Variants in GPC5 observed in about 807,000 individuals in gnomAD.
The protein encoded by GPC5 is glypican 5.
Under a neutral mutation model 53.9 loss-of-function variants are expected in GPC5, and 47 were observed. The observed-to-expected ratio is 0.87, with a 90% CI of 0.69 to 1.11. The LOEUF is 1.11. GPC5 is among the 50% of genes most tolerant of loss of function. GPC5 has a pLI of 0.00. For synonymous variants in GPC5, 286 were observed against 263.3 expected, an observed-to-expected ratio of 1.09 and a Z score of -0.84; for missense variants, 748 against 713.1, an observed-to-expected ratio of 1.05 and a Z score of -0.56.
intron 2 of GPC5, among the ~76,000 whole-genome samples, chr13:91,595,816 C>T (rs2032974156): frequency 6.6e-6 from 1 of 152,190 alleles, no homozygotes; most frequent in South Asian, 2.1e-4. Flanking sequence ...CTCTTCATGA[C>T]CCATGTTAGC....
intron 7 of GPC5, among the ~76,000 whole-genome samples, chr13:92,457,004 T>C (rs144901132): frequency 7.2e-5 from 11 of 152,090 alleles, no homozygotes; most frequent in African/African-American, 2.7e-4. Flanking sequence ...CCTCTCCTTC[T>C]CTGCCCCATC....
chr13:92,308,892 T>C (rs2043128150), intron 7 of GPC5, among the ~76,000 whole-genome samples: 1 of 152,118 alleles, frequency 6.6e-6, no homozygotes, highest in Non-Finnish European at 1.5e-5. Context: ...TATTGATATA[T>C]TGGATACATT....
intron 2 of GPC5, among the ~76,000 whole-genome samples, chr13:91,561,327 C>T (rs2031249471): frequency 6.6e-6 from 1 of 152,144 alleles, no homozygotes; most frequent in Non-Finnish European, 1.5e-5. Context: ...TGGAATTTCA[C>T]TTAACTCTAC....
chr13:92,291,691 G>T (rs1428995906), intron 7 of GPC5, among the ~76,000 whole-genome samples: 1 of 152,156 alleles, frequency 6.6e-6, no homozygotes, highest in African/African-American at 2.4e-5. Flanking sequence ...TTTGCTGTTT[G>T]CAATAAATCT....
chr13:91,841,456 G>A (rs368330872), intron 5 of GPC5, among the ~76,000 whole-genome samples: 49 of 151,516 alleles, frequency 3.2e-4, no homozygotes, highest in African/African-American at 1.0e-3. Context: ...TGCTTCAGTA[G>A]CATTTTACAT....
chr13:92,080,501 C>T (rs1056650566), intron 6 of GPC5, among the ~76,000 whole-genome samples: 2 of 152,230 alleles, frequency 1.3e-5, no homozygotes, highest in Non-Finnish European at 2.9e-5. Flanking sequence ...AATCACTCCA[C>T]AATCCAACCT....
chr13:91,744,636 C>T (rs1348778268), intron 4 of GPC5, among the ~76,000 whole-genome samples: 1 of 152,044 alleles, frequency 6.6e-6, no homozygotes, highest in Non-Finnish European at 1.5e-5. Flanking sequence ...ATAAAGAAGG[C>T]TTTTCATTGG....
chr13:91,555,895 C>G (rs2030919255), intron 2 of GPC5, among the ~76,000 whole-genome samples: 1 of 152,016 alleles, frequency 6.6e-6, no homozygotes, highest in Non-Finnish European at 1.5e-5. Flanking sequence ...CCCCGTGATT[C>G]AATTATCTTC....
chr13:92,706,814 G>T (rs985534814), intron 7 of GPC5, among the ~76,000 whole-genome samples: 7 of 152,256 alleles, frequency 4.6e-5, no homozygotes, highest in African/African-American at 1.7e-4. Flanking sequence ...GTTACAGAAT[G>T]AATGTTTGTG....
At chr13:91,789,105 CA>C (rs2138742164) in intron 5 of GPC5, among the ~76,000 whole-genome samples, 1 of 152,182 alleles carries the variant, frequency 6.6e-6, no homozygotes, top group South Asian at 2.1e-4. Context: ...CCCAGCTACT[CA>C]GGAGACTGAA....
chr13:92,188,457 T>G (rs1376691894), intron 7 of GPC5, among the ~76,000 whole-genome samples: 3 of 152,194 alleles, frequency 2.0e-5, no homozygotes, highest in African/African-American at 7.2e-5. Context: ...AAAGTGAAGA[T>G]GCCTTTATTT....
At chr13:91,645,860 A>G (rs1566578079) in intron 2 of GPC5, among the ~76,000 whole-genome samples, 2 of 152,260 alleles carry the variant, frequency 1.3e-5, no homozygotes, top group Admixed American at 6.5e-5. Flanking sequence ...ACAAATTTGC[A>G]CTTCTGACAA....
intron 6 of GPC5, among the ~76,000 whole-genome samples, chr13:92,002,175 A>G (rs1198346573): frequency 6.6e-6 from 1 of 152,168 alleles, no homozygotes; most frequent in Non-Finnish European, 1.5e-5. Flanking sequence ...ACTTACAGAT[A>G]GGGAATACCT....
chr13:91,707,398 G>A (rs2036129821), intron 3 of GPC5, among the ~76,000 whole-genome samples: 2 of 152,120 alleles, frequency 1.3e-5, no homozygotes, highest in Non-Finnish European at 2.9e-5. Flanking sequence ...CAAGATGGGA[G>A]GATTGCTTAA....
chr13:91,857,556 C>T (rs1400653673), intron 5 of GPC5, among the ~76,000 whole-genome samples: 1 of 149,192 alleles, frequency 6.7e-6, no homozygotes, highest in Non-Finnish European at 1.5e-5. Context: ...ATTTTGTTGT[C>T]TGTACATAAA....
At chr13:92,792,693 C>G (rs1876507453) in intron 7 of GPC5, among the ~76,000 whole-genome samples, 1 of 152,050 alleles carries the variant, frequency 6.6e-6, no homozygotes, top group South Asian at 2.1e-4. Context: ...GGAGGAAGAT[C>G]TACCAAGCAA....
chr13:92,832,209 C>T (rs1056516433), intron 7 of GPC5, among the ~76,000 whole-genome samples: 1 of 152,150 alleles, frequency 6.6e-6, no homozygotes, highest in Admixed American at 6.5e-5. Context: ...TTGACATACA[C>T]GTTTAAAACG....
chr13:92,020,861 G>C (rs986705272), intron 6 of GPC5, among the ~76,000 whole-genome samples: 6 of 151,658 alleles, frequency 4.0e-5, no homozygotes, highest in African/African-American at 1.5e-4. Context: ...GTGTATTTTT[G>C]TTTCTGTTGC....
At chr13:91,823,793 A>G (rs190152752) in intron 5 of GPC5, among the ~76,000 whole-genome samples, 20 of 152,196 alleles carry the variant, frequency 1.3e-4, no homozygotes, top group African/African-American at 4.1e-4. Flanking sequence ...ATGTAACTGT[A>G]TCTCCACCCC....
Sources: allele counts gnomAD v4.1 joint callset (sites outside exome capture counted in the v4.1 genomes callset), GRCh38; gene constraint gnomAD v4.1.1; transcripts MANE v1.5; gene names NCBI Gene and HGNC (gene_info 2026-07-23, HGNC 2026-07-21).